The following PLEKHA7 variants were observed in gnomAD, a reference collection of about 807,000 sequenced individuals.
PLEKHA7 encodes pleckstrin homology domain containing A7.
PLEKHA7 carries 104 observed loss-of-function variants against 170.0 expected under a neutral mutation model. The observed-to-expected ratio is 0.61, with a 90% CI of 0.52 to 0.72. PLEKHA7 has a LOEUF of 0.72. Among genes scored for constraint, PLEKHA7 ranks in the 30% least tolerant of loss-of-function variants. The pLI is 0.00. For synonymous variants in PLEKHA7, 648 were observed against 660.8 expected (o/e 0.98, Z 0.30); for missense variants, 1,615 against 1,671.7 (o/e 0.97, Z 0.59).
At chr11:16,934,216 C>T (rs1313690506) in intron 3 of PLEKHA7, among the ~76,000 whole-genome samples, 1 of 152,162 alleles carries the variant, frequency 6.6e-6, no homozygotes, top group Non-Finnish European at 1.5e-5. Flanking sequence ...GGTCCTGGAA[C>T]CACTTATAAG....
chr11:16,869,202 C>A (rs1854634580), intron 4 of PLEKHA7, among the ~76,000 whole-genome samples: 1 of 152,210 alleles, frequency 6.6e-6, no homozygotes, highest in African/African-American at 2.4e-5. Flanking sequence ...CTTCCACTCA[C>A]TCTCTTTACT....
rs568470169 is a variant in PLEKHA7 at position 16,802,570 on chromosome 11, C to T, written c.2157+402G>A. Reference sequence around the variant, plus strand: ...GGCTTTTTTTTTTTTCCTCCTGAGACGAAGTCTTCCTCTGTTGCCTAGGCT... The same window carrying T: ...GGCTTTTTTTTTTTTCCTCCTGAGATGAAGTCTTCCTCTGTTGCCTAGGCT... On this transcript the variant is annotated intron_variant, in intron 15 of 26. Transcript: ENST00000531066. Among the ~76,000 whole-genome samples the T allele has an allele frequency of 1.8e-4, 27 of 151,678 alleles. No individual in the cohort carries two copies. In the South Asian group the frequency reaches 4.6e-3, roughly 26 times the overall value.
chr11:16,981,038 G>A (rs1190650733), intron 3 of PLEKHA7, among the ~76,000 whole-genome samples: 1 of 152,136 alleles, frequency 6.6e-6, no homozygotes, highest in East Asian at 1.9e-4. Flanking sequence ...TCCTCTTTAT[G>A]CAGAGAGATC....
At chr11:16,945,781 A>G (rs1359738228) in intron 3 of PLEKHA7, among the ~76,000 whole-genome samples, 1 of 152,214 alleles carries the variant, frequency 6.6e-6, no homozygotes, top group Non-Finnish European at 1.5e-5. Flanking sequence ...GGGAGGCAGT[A>G]ATGCCATATT....
At chr11:16,987,985 G>C (rs933103690) in intron 3 of PLEKHA7, among the ~76,000 whole-genome samples, 1 of 152,254 alleles carries the variant, frequency 6.6e-6, no homozygotes, top group Admixed American at 6.5e-5. Flanking sequence ...TTCTCAGACA[G>C]TGTGTGGAAG....
intron 4 of PLEKHA7, among the ~76,000 whole-genome samples, chr11:16,868,411 C>G (rs1854565060): frequency 6.6e-6 from 1 of 152,086 alleles, no homozygotes; most frequent in African/African-American, 2.4e-5. Context: ...CACATTATTC[C>G]AAGCATCTCA....
chr11:16,885,036 T>G (rs984665823), intron 3 of PLEKHA7, among the ~76,000 whole-genome samples: 2 of 152,200 alleles, frequency 1.3e-5, no homozygotes, highest in African/African-American at 4.8e-5. Flanking sequence ...GAAGAAGATC[T>G]GTTTTAAGAA....
At chr11:16,780,209 A>G (rs1564895204) in intron 26 of PLEKHA7, among the ~76,000 whole-genome samples, 2 of 152,208 alleles carry the variant, frequency 1.3e-5, no homozygotes, top group Non-Finnish European at 2.9e-5. Flanking sequence ...CAAAAGCAAC[A>G]GGCCCAGGCC....
chr11:16,822,931 TTTC>T (rs571704495), intron 10 of PLEKHA7, among the ~76,000 whole-genome samples: 118 of 152,304 alleles, frequency 7.7e-4, no homozygotes, highest in African/African-American at 2.8e-3. Context: ...CTAGCAACAG[TTTC>T]TTGACTGTGG....
intron 3 of PLEKHA7, among the ~76,000 whole-genome samples, chr11:16,923,849 C>T (rs147447245): frequency 6.6e-6 from 1 of 152,330 alleles, no homozygotes; most frequent in East Asian, 1.9e-4. Flanking sequence ...ATCGCACTTA[C>T]TCTACAGTCC....
At chr11:17,000,247 A>G (rs1345647823) in intron 3 of PLEKHA7, among the ~76,000 whole-genome samples, 1 of 151,868 alleles carries the variant, frequency 6.6e-6, no homozygotes, top group Non-Finnish European at 1.5e-5. Context: ...ACCATACCCA[A>G]CTAATTTTTT....
Position 16,817,371 on chromosome 11 carries a change from C to T in PLEKHA7, c.1344-49G>A. 2.6e-6 allele frequency: 4 copies of T among 1,532,338 alleles called. No individual in the cohort carries two copies. Among genetic ancestry groups the T allele is most frequent in the Non-Finnish European group, 3.5e-6 (4 of 1,137,552 alleles). The allele number at this position is 1,532,338 out of a possible 1,614,324, so 94.9% of individuals were successfully genotyped here. On this transcript the variant is annotated intron_variant, in intron 10 of 26. Coordinates refer to ENST00000531066, the MANE Select transcript of PLEKHA7 (RefSeq NM_001329630.2). The surrounding 1 kb of genome is among the most constrained non-coding windows in gnomAD (Gnocchi z 4.4). ...GTCAGGCAACCAAGCGAGGGTTCTG[C>T]AGGCTTTGGGGAACATATCTAAGTA...
At chr11:17,011,722 T>C (rs1385467197) in intron 3 of PLEKHA7, among the ~76,000 whole-genome samples, 2 of 152,198 alleles carry the variant, frequency 1.3e-5, no homozygotes, top group Non-Finnish European at 2.9e-5. Context: ...GGATTTCATC[T>C]AATCCCATGG....
Position 16,795,007 on chromosome 11 carries a change from C to T in PLEKHA7, c.2421G>A (p.Gln807=). The change falls in exon 18 of 27, where the codon CAG becomes CAA. Residue 807 remains glutamine, a synonymous_variant. Coordinates refer to ENST00000531066, the MANE Select transcript of PLEKHA7 (RefSeq NM_001329630.2). ...RRAFFFQEKS[Q]IQKDLWRIED... ...CAATTCTCCATAGATCTTTCTGTAT[C>T]TGCGATTTCTCCTGAGGAAGACGAA... 1.9e-6 allele frequency: 3 copies of T among 1,612,882 alleles called. No individual in the cohort carries two copies. The highest frequency in any genetic ancestry group is 1.7e-6 in the Non-Finnish European group (2 of 1,178,846).
intron 3 of PLEKHA7, among the ~76,000 whole-genome samples, chr11:16,871,601 A>G (rs1259573544): frequency 6.6e-6 from 1 of 152,210 alleles, no homozygotes; most frequent in Non-Finnish European, 1.5e-5. Flanking sequence ...AAAGAATTCT[A>G]AGAATTAACC....
chr11:16,782,432 T>C (rs543233074), intron 26 of PLEKHA7, among the ~76,000 whole-genome samples: 67 of 152,268 alleles, frequency 4.4e-4, no homozygotes, highest in African/African-American at 1.6e-3. Context: ...GCTCAGCACC[T>C]TGAAAAACCT....
chr11:16,995,664 T>C (rs1180023923), intron 3 of PLEKHA7, among the ~76,000 whole-genome samples: 2 of 152,120 alleles, frequency 1.3e-5, no homozygotes, highest in African/African-American at 4.8e-5. Flanking sequence ...GTCAGGTAAA[T>C]GGACTTAAAA....
chr11:16,819,842 A>G (rs1850075198), intron 10 of PLEKHA7, among the ~76,000 whole-genome samples: 1 of 152,214 alleles, frequency 6.6e-6, no homozygotes, highest in African/African-American at 2.4e-5. Context: ...AAGGATGCAA[A>G]GTTTCAGTTA....
At chr11:16,873,983 C>T (rs571933057) in intron 3 of PLEKHA7, among the ~76,000 whole-genome samples, 101 of 152,282 alleles carry the variant, frequency 6.6e-4, no homozygotes, top group African/African-American at 2.3e-3. Flanking sequence ...TTTCTAGAGA[C>T]TTATCTCCAC....
Sources: allele counts gnomAD v4.1 joint callset (sites outside exome capture counted in the v4.1 genomes callset), GRCh38; gene constraint gnomAD v4.1.1; non-coding constraint Gnocchi (gnomAD v3.1); transcripts MANE v1.5; gene names NCBI Gene and HGNC (gene_info 2026-07-23, HGNC 2026-07-21).